The following CSMD3 variants were observed in gnomAD, a reference collection of about 807,000 sequenced individuals.
CSMD3 encodes the protein CUB and sushi domain-containing protein 3.
In CSMD3, 177 loss-of-function variants were observed where a neutral mutation model predicts 435.2. The observed-to-expected ratio is 0.41, with a 90% CI of 0.36 to 0.46. The LOEUF is 0.46. CSMD3 is among the 20% of genes least tolerant of loss of function. The pLI, the probability that CSMD3 is intolerant of heterozygous loss-of-function variation, is 0.34. For missense variants in CSMD3, 4,265 were observed against 4,504.6 expected, an observed-to-expected ratio of 0.95 and a Z score of 1.52; for synonymous variants, 1,656 against 1,520.5, an observed-to-expected ratio of 1.09 and a Z score of -2.07.
chr8:112,452,527 G>A (rs911251129), intron 32 of CSMD3, among the ~76,000 whole-genome samples: 2 of 152,144 alleles, frequency 1.3e-5, no homozygotes, highest in Non-Finnish European at 2.9e-5. Flanking sequence ...TAAAAACAGG[G>A]AAATGACTAT....
intron 6 of CSMD3, among the ~76,000 whole-genome samples, chr8:113,010,994 A>G (rs2086237798): frequency 6.6e-6 from 1 of 151,582 alleles, no homozygotes; most frequent in Admixed American, 6.6e-5. Context: ...CCCAAAGCTT[A>G]TTATTTTCTG....
intron 40 of CSMD3, among the ~76,000 whole-genome samples, chr8:112,350,543 G>T (rs1826043512): frequency 6.6e-6 from 1 of 151,646 alleles, no homozygotes; most frequent in African/African-American, 2.4e-5. Context: ...TGTTTTAAAG[G>T]TAGGGATCAT....
At chr8:112,549,234 A>G (rs1272791744) in intron 27 of CSMD3, among the ~76,000 whole-genome samples, 1 of 152,078 alleles carries the variant, frequency 6.6e-6, no homozygotes, top group African/African-American at 2.4e-5. Flanking sequence ...CTCTCTGACA[A>G]ATTGTTCCCA....
chr8:113,308,923 G>A (rs962620200), intron 2 of CSMD3, among the ~76,000 whole-genome samples: 11 of 151,850 alleles, frequency 7.2e-5, no homozygotes, highest in Non-Finnish European at 1.2e-4. Context: ...ATTTCTTTAC[G>A]GCAGATGTTT....
intron 1 of CSMD3, among the ~76,000 whole-genome samples, chr8:113,339,089 A>G (rs1187856992): frequency 6.6e-6 from 1 of 151,958 alleles, no homozygotes; most frequent in Admixed American, 6.6e-5. Context: ...TATGCCTCAG[A>G]TTCTTTATCC....
At chr8:112,322,085 T>G (rs1019763431) in intron 45 of CSMD3, among the ~76,000 whole-genome samples, 9 of 152,152 alleles carry the variant, frequency 5.9e-5, no homozygotes, top group African/African-American at 2.2e-4. Flanking sequence ...TACCAGAGAA[T>G]AGAGATCAAC....
At chr8:112,867,856 A>G (rs922291150) in intron 10 of CSMD3, among the ~76,000 whole-genome samples, 4 of 152,120 alleles carry the variant, frequency 2.6e-5, no homozygotes, top group African/African-American at 9.7e-5. Flanking sequence ...CTTCATAGAT[A>G]TAACTATAAA....
chr8:112,929,227 T>C (rs1432406548), intron 9 of CSMD3, among the ~76,000 whole-genome samples: 1 of 101,472 alleles, frequency 9.9e-6, no homozygotes, highest in African/African-American at 3.9e-5. Flanking sequence ...TTTTCTCCCA[T>C]GGGGTGGGGG....
At chr8:112,376,592 T>C (rs10955621) in intron 38 of CSMD3, among the ~76,000 whole-genome samples, 8,136 of 152,004 alleles carry the variant, frequency 0.054, 400 homozygotes, top group East Asian at 0.14. Context: ...GAGGTGATGT[T>C]GAGGAGCTAA....
At chr8:113,258,432 C>T (rs1036389810) in intron 3 of CSMD3, among the ~76,000 whole-genome samples, 5 of 152,134 alleles carry the variant, frequency 3.3e-5, no homozygotes, top group African/African-American at 1.2e-4. Context: ...CATATTAACA[C>T]TCAAAGACTA....
At chr8:112,629,048 G>A (rs1302756635) in intron 22 of CSMD3, among the ~76,000 whole-genome samples, 1 of 152,140 alleles carries the variant, frequency 6.6e-6, no homozygotes, top group Non-Finnish European at 1.5e-5. Flanking sequence ...AGATTAGAGT[G>A]CTGTTTAAAC....
At chr8:113,010,781 T>A (rs1289262000) in intron 6 of CSMD3, among the ~76,000 whole-genome samples, 3 of 151,606 alleles carry the variant, frequency 2.0e-5, no homozygotes, top group South Asian at 4.2e-4. Context: ...GCATTAAAGT[T>A]TTGGGGTTTT....
At position 112,409,599 on chromosome 8, in the gene CSMD3, T is replaced by G. The variant is rs879763051; in HGVS notation, c.5396-567A>C. Reference sequence around the variant, plus strand: ...GATTCCTAAACATTTATTGTTAATCTTCTGCCAAAATAAAGAAATATTATT... The same window carrying G: ...GATTCCTAAACATTTATTGTTAATCGTCTGCCAAAATAAAGAAATATTATT... On this transcript the variant is annotated intron_variant, in intron 32 of 70. Transcript: ENST00000297405. Among the ~76,000 whole-genome samples the G allele has an allele frequency of 5.9e-5, 9 of 152,038 alleles. 1 individual carries two copies. The highest frequency in any genetic ancestry group is 5.9e-4 in the Admixed American group (9 of 15,224).
At chr8:112,527,064 TA>T (rs1038701410) in intron 27 of CSMD3, among the ~76,000 whole-genome samples, 5 of 151,242 alleles carry the variant, frequency 3.3e-5, no homozygotes, top group East Asian at 1.9e-4. Context: ...GTGGATTCAA[TA>T]AAAAAAATAG....
intron 59 of CSMD3, among the ~76,000 whole-genome samples, chr8:112,280,636 T>A (rs58628028): frequency 0.03 from 4,511 of 152,228 alleles, 230 homozygotes; most frequent in African/African-American, 0.1. Context: ...ATGTGTATAA[T>A]TTTAAGACTT....
intron 5 of CSMD3, among the ~76,000 whole-genome samples, chr8:113,027,492 T>C (rs953657201): frequency 1.3e-5 from 2 of 152,188 alleles, no homozygotes; most frequent in African/African-American, 4.8e-5. Flanking sequence ...GATGTTTACA[T>C]AGACCAGGTG....
At chr8:113,344,363 G>C (rs1311741131) in intron 1 of CSMD3, among the ~76,000 whole-genome samples, 1 of 152,026 alleles carries the variant, frequency 6.6e-6, no homozygotes, top group Non-Finnish European at 1.5e-5. Context: ...AGTCTTTTGA[G>C]ATAAAATTAT....
chr8:112,920,922 C>T (rs1293433789), intron 10 of CSMD3, among the ~76,000 whole-genome samples: 4 of 149,754 alleles, frequency 2.7e-5, no homozygotes, highest in Non-Finnish European at 4.5e-5. Flanking sequence ...TATATATACA[C>T]ACACACACAC....
chr8:113,166,409 C>A (rs2092149992), intron 4 of CSMD3, among the ~76,000 whole-genome samples: 2 of 151,864 alleles, frequency 1.3e-5, no homozygotes, highest in South Asian at 4.1e-4. Flanking sequence ...GAAGGATAAG[C>A]CAGGAGAATT....
Sources: gnomAD v4.1 joint callset for allele counts (sites outside exome capture counted in the v4.1 genomes callset) on GRCh38, gnomAD v4.1.1 for gene constraint, MANE v1.5 for transcripts, NCBI Gene and HGNC (gene_info 2026-07-23, HGNC 2026-07-21) for gene names.